Variants in CARD10 observed in about 807,000 individuals in gnomAD.
CARD10 encodes caspase recruitment domain-containing protein 10.
Under a neutral mutation model 114.6 loss-of-function variants are expected in CARD10, and 49 were observed. The ratio of observed to expected loss-of-function variants is 0.43; its 90% confidence interval spans 0.34 to 0.54. The LOEUF (loss-of-function observed/expected upper bound fraction) is 0.54. CARD10 is among the 20% of genes least tolerant of loss of function. CARD10 has a pLI of 0.03. For missense variants in CARD10, 1,206 were observed against 1,397.2 expected, an observed-to-expected ratio of 0.86 and a Z score of 2.18; for synonymous variants, 602 against 593.2, an observed-to-expected ratio of 1.01 and a Z score of -0.21.
In CARD10 at chr22:37,506,477, T is replaced by C. The variant is rs1029513755; in HGVS notation, c.1192-94A>G. The C allele has an allele frequency of 6.5e-6, 6 of 924,046 alleles. No individual in the cohort carries two copies. In the East Asian group the frequency reaches 8.2e-5, roughly 13 times the overall value. 57.2% of individuals were successfully genotyped at this position (924,046 alleles called of 1,614,324 possible). On this transcript the variant is annotated intron_variant, in intron 6 of 19. Coordinates refer to ENST00000251973, the MANE Select transcript of CARD10 (RefSeq NM_014550.4). ...TGGAGAATGGGGACAGTAAGGAGAA[T>C]GGCAGCTATCACTTACTGAGCACTG...
intron 2 of CARD10, among the ~76,000 whole-genome samples, chr22:37,516,995 G>A (rs1426973800): frequency 2.6e-5 from 4 of 152,138 alleles, no homozygotes; most frequent in Non-Finnish European, 5.9e-5. Context: ...ATTCAAATGG[G>A]CCCTTACACA....
Position 37,512,564 on chromosome 22 carries a change from ACTCCTC to A in CARD10, c.700-2149_700-2144del, listed in dbSNP as rs367675271. Among the ~76,000 whole-genome samples the A allele has an allele frequency of 2.7e-5, 4 of 147,520 alleles. No individual in the cohort carries two copies. The South Asian group carries it at 8.6e-4, about 32-fold the overall frequency. On this transcript the variant is annotated intron_variant, in intron 3 of 19. Coordinates refer to ENST00000251973, the MANE Select transcript of CARD10 (RefSeq NM_014550.4). ...AGGCAATTCTACAAATTAACAGTCCACTCCTCCTCCTCCGCAAGAGACTCAGAAAGA... is the reference window on the plus strand; with the variant it reads ...AGGCAATTCTACAAATTAACAGTCCACTCCTCCGCAAGAGACTCAGAAAGA...
In CARD10 at chr22:37,492,719, A is replaced by C; in HGVS notation, c.2560T>G (p.Cys854Gly). Residue 854 changes from cysteine (C) to glycine (G), a missense_variant, in exon 17 of 20, where the codon TGC (cysteine) becomes GGC (glycine). By Grantham distance (159) the Cys-to-Gly change is radical. This residue lies in a region of CARD10 where 1,068 missense variants were observed against 1,179.1 expected (regional missense o/e 0.91). Transcript: ENST00000251973. This position sits in a 1 kb window ranked among gnomAD's most constrained non-coding sequence, Gnocchi z 5.7. ...TTACGGATGAGCCGGGGCGCCAGGC[A>C]CTCAGGCAACAGCACCACGGGCCGC... ...ALRPVVLLPE[C>G]LAPRLIRNLL... The C allele has an allele frequency of 1.2e-6, 2 of 1,613,020 alleles. No homozygotes were observed. Among genetic ancestry groups the C allele is most frequent in the Non-Finnish European group, 1.7e-6 (2 of 1,179,908 alleles).
chr22:37,505,402 G>A (rs1035826627), intron 7 of CARD10, among the ~76,000 whole-genome samples: 24 of 152,214 alleles, frequency 1.6e-4, no homozygotes, highest in Middle Eastern at 3.4e-3. Flanking sequence ...CAGGCTGGGC[G>A]TTCGCACCTC....
intron 8 of CARD10, 54 bp downstream of exon 8, chr22:37,504,581 G>A: frequency 6.9e-7 from 1 of 1,457,374 alleles, no homozygotes; most frequent in Non-Finnish European, 9.1e-7. Flanking sequence ...CTCCACATTA[G>A]TAATAATGCT....
Position 37,510,237 on chromosome 22 carries a change from C to T in CARD10, c.884G>A (p.Arg295Gln), listed in dbSNP as rs746980534. The change falls in exon 4 of 20, where the codon CGG (arginine) becomes CAG (glutamine). Residue 295 changes from arginine to glutamine, a missense_variant. By Grantham distance (43) the Arg-to-Gln change is conservative (BLOSUM62 1). Transcript: ENST00000251973. ...AENQRLTASL[R>Q]ELQEGLQQEA... ...CTGCTGCAGGCCCTCCTGCAACTCCCGCAGTGACGCCGTCAGCCGCTGGTT... is the reference window on the plus strand; with the variant it reads ...CTGCTGCAGGCCCTCCTGCAACTCCTGCAGTGACGCCGTCAGCCGCTGGTT... The T allele has an allele frequency of 2.8e-5, 45 of 1,601,734 alleles. 1 individual carries two copies. In the East Asian group the frequency reaches 7.6e-4, roughly 27 times the overall value.
In CARD10 at chr22:37,502,745, T is replaced by A. The variant is rs769239863; in HGVS notation, c.1664-20A>T. ...CACTCCCTGGGGAAAAAGAATGAGG[T>A]TCAGGGATCTGGCACTGGGAAACAG... On this transcript the variant is annotated intron_variant, in intron 10 of 19. Transcript: ENST00000251973. 1.2e-6 allele frequency: 2 copies of A among 1,609,792 alleles called. No individual in the cohort carries two copies. Among genetic ancestry groups the A allele is most frequent in the South Asian group, 2.2e-5 (2 of 90,768 alleles).
In CARD10 at chr22:37,507,994, G is replaced by A. The variant is rs767199479; in HGVS notation, c.1066-40C>T. On this transcript the variant is annotated intron_variant, in intron 5 of 19. Coordinates refer to ENST00000251973, the MANE Select transcript of CARD10 (RefSeq NM_014550.4). ...GGGCGGGGTCAGACCACAGGGCTGG[G>A]GACCATGAGAAAGCTAACCAGCAGG... 4.3e-6 allele frequency: 7 copies of A among 1,611,028 alleles called. No homozygotes were observed. The South Asian group carries it at 6.6e-5, about 15-fold the overall frequency.
Position 37,496,089 on chromosome 22 carries a change from T to C in CARD10, c.2060-86A>G. ...ATCGGCCTTGGTGGGGCCAAAGACA[T>C]GGCCCTCTCGAGGCCTGAGTTCCCA... On this transcript the variant is annotated intron_variant, in intron 13 of 19. Transcript: ENST00000251973. This position sits in a 1 kb window ranked among gnomAD's most constrained non-coding sequence, Gnocchi z 4.1. 6.5e-7 allele frequency: 1 copy of C among 1,536,100 alleles called. No homozygotes were observed. Among genetic ancestry groups the C allele is most frequent in the Non-Finnish European group, 8.8e-7 (1 of 1,134,846 alleles).
chr22:37,491,349 C>A lies in CARD10; in HGVS notation c.2909G>T (p.Arg970Leu), dbSNP rs187194563. The A allele has an allele frequency of 6.5e-7, 1 of 1,535,552 alleles. No individual in the cohort carries two copies. Among genetic ancestry groups the A allele is most frequent in the East Asian group, 2.4e-5 (1 of 41,806 alleles). Residue 970 changes from arginine to leucine, a missense_variant, in exon 20 of 20, where the codon CGG becomes CTG. Around this residue, in one of 2 missense-constraint regions of CARD10, gnomAD observed 1,068 missense variants for 1,179.1 expected, o/e 0.91. Transcript: ENST00000251973. ...RPGWRDSELL[R>L]QCRGSEQVLW... Reference sequence around the variant, plus strand: ...CACCTGCTCTGAGCCACGGCACTGCCGCAGCAGCTCTGAGTCCCGCCAGCC... The same window carrying A: ...CACCTGCTCTGAGCCACGGCACTGCAGCAGCAGCTCTGAGTCCCGCCAGCC...
intron 9 of CARD10, 109 bp from the exon 10 acceptor site, chr22:37,503,322 C>A (rs1276977928): frequency 1.4e-5 from 16 of 1,116,808 alleles, no homozygotes; most frequent in Middle Eastern, 2.0e-4. Context: ...AGCCCCCAAG[C>A]AAATGCAGGC....
intron 16 of CARD10, among the ~76,000 whole-genome samples, chr22:37,493,159 G>A (rs976338508): frequency 2.6e-5 from 4 of 152,176 alleles, no homozygotes; most frequent in African/African-American, 9.7e-5. Context: ...CTGAGAGCCT[G>A]GGGAGGCTGC....
rs746691823 is a variant in CARD10 at position 37,502,629 on chromosome 22, C to G, written c.1760G>C (p.Arg587Pro). ...GTTGAGGAAGTCCAGGCCACAGCCCCGAGCCAGGAGGCCTTCCGGCTTTCC... is the reference window on the plus strand; with the variant it reads ...GTTGAGGAAGTCCAGGCCACAGCCCGGAGCCAGGAGGCCTTCCGGCTTTCC... ...PLGKPEGLLA[R>P]GCGLDFLNRS... Residue 587 changes from arginine to proline, a missense_variant, in exon 11 of 20, where the codon CGG (arginine) becomes CCG (proline). By Grantham distance (103) the Arg-to-Pro change is moderately radical (BLOSUM62 -2). Coordinates refer to ENST00000251973, the MANE Select transcript of CARD10 (RefSeq NM_014550.4). 4.3e-6 allele frequency: 7 copies of G among 1,613,800 alleles called. No individual in the cohort carries two copies. Among genetic ancestry groups the G allele is most frequent in the Non-Finnish European group, 5.9e-6 (7 of 1,179,962 alleles).
chr22:37,503,948 T>A (rs972512360), intron 9 of CARD10: 9 of 682,938 alleles, frequency 1.3e-5, no homozygotes, highest in Non-Finnish European at 2.2e-5. Flanking sequence ...GTGACCCTCC[T>A]GCCAGGATGC....
At chr22:37,499,524 G>A (rs1480256988) in intron 11 of CARD10, among the ~76,000 whole-genome samples, 3 of 129,104 alleles carry the variant, frequency 2.3e-5, no homozygotes, top group East Asian at 2.4e-4. Context: ...ACCTCTACTC[G>A]CTCCCTCCTC....
intron 9 of CARD10, chr22:37,503,965 A>G: frequency 1.4e-6 from 1 of 697,270 alleles, no homozygotes; most frequent in Non-Finnish European, 2.7e-6. Context: ...ATGCTTGGCT[A>G]GGACTGAGTT....
chr22:37,505,879 A>G lies in CARD10; in HGVS notation c.1383+313T>C, dbSNP rs562601524. ...TGAGGCCCAGGTTTTGCATTCTAACATGCACACAGGCACTCAGGCAGCCAG... is the reference window on the plus strand; with the variant it reads ...TGAGGCCCAGGTTTTGCATTCTAACGTGCACACAGGCACTCAGGCAGCCAG... On this transcript the variant is annotated intron_variant, in intron 7 of 19. Transcript: ENST00000251973. Among the ~76,000 whole-genome samples the G allele has an allele frequency of 2.0e-5, 3 of 152,280 alleles. No homozygotes were observed. The East Asian group carries it at 5.8e-4, about 29-fold the overall frequency.
rs1923205281 is a variant in CARD10 at position 37,501,360 on chromosome 22, A to G, written c.1787+1242T>C. On this transcript the variant is annotated intron_variant, in intron 11 of 19. Transcript: ENST00000251973. The surrounding 1 kb of genome is among the most constrained non-coding windows in gnomAD (Gnocchi z 5.4). ...GGACCCCTGCTGCAGCCCAAACTGG[A>G]GGAAGGGAGGAAGGGCCGAGGCGAG... Among the ~76,000 whole-genome samples, 1 of 152,084 alleles carries G rather than the reference A, an allele frequency of 6.6e-6. No homozygotes were observed. The highest frequency in any genetic ancestry group is 2.4e-5 in the African/African-American group (1 of 41,404).
chr22:37,497,039 C>T lies in CARD10; in HGVS notation c.1927G>A (p.Ala643Thr), dbSNP rs774099152. 27 of 1,613,296 alleles carry T rather than the reference C, an allele frequency of 1.7e-5. No individual in the cohort carries two copies. Among genetic ancestry groups the T allele is most frequent in the Non-Finnish European group, 1.9e-5 (23 of 1,179,644 alleles). The change falls in exon 12 of 20, where the codon GCC becomes ACC. Residue 643 changes from alanine to threonine, a missense_variant. Ala to Thr is a moderately conservative substitution (Grantham distance 58). Transcript: ENST00000251973. ...CTCACCTCTCTTGGTTCCATCCTGGCGGACCCAGGCCCAGACAGCACCCTG... is the reference window on the plus strand; with the variant it reads ...CTCACCTCTCTTGGTTCCATCCTGGTGGACCCAGGCCCAGACAGCACCCTG... ...VRRVLSGPGS[A>T]RMEPREQRVE...
Sources: allele counts gnomAD v4.1 joint callset (sites outside exome capture counted in the v4.1 genomes callset), GRCh38; gene constraint gnomAD v4.1.1; regional missense constraint gnomAD v4.1.1; non-coding constraint Gnocchi (gnomAD v3.1); transcripts MANE v1.5; gene names NCBI Gene and HGNC (gene_info 2026-07-23, HGNC 2026-07-21).